Variants in TAP2 observed in about 807,000 individuals in gnomAD.
TAP2 encodes antigen peptide transporter 2.
Under a neutral mutation model 74.7 loss-of-function variants are expected in TAP2, and 49 were observed. The ratio of observed to expected loss-of-function variants is 0.66; its 90% CI spans 0.52 to 0.83. The LOEUF is 0.83. Among genes scored for constraint, TAP2 ranks in the 40% least tolerant of loss-of-function variants. The pLI is 0.00. For synonymous variants in TAP2, 306 were observed against 368.4 expected (o/e 0.83, Z 1.94); for missense variants, 739 against 859.0 (o/e 0.86, Z 1.75).
Position 32,835,771 on chromosome 6 carries a change from G to C in TAP2, c.611C>G (p.Ser204Ter), listed in dbSNP as rs780749195. Residue 204 changes from serine to a stop codon, truncating the protein, a stop_gained and splice_region_variant, in exon 4 of 12, where the codon TCA becomes TGA. Coordinates refer to ENST00000374897, the MANE Select transcript of TAP2 (RefSeq NM_001290043.2). LOFTEE classifies it high-confidence loss of function. The surrounding 1 kb of genome is among the most constrained non-coding windows in gnomAD (Gnocchi z 4.0). ...FFMCLFSFGSSLSAGCRGGCF... is the reference protein window; with the variant it reads ...FFMCLFSFGS ...GCCTCCTCGGCAGCCTGCAGACAGT[G>C]AGCTGTGGGGTAGGAGAATAAGAGG... The C allele has an allele frequency of 1.2e-6, 2 of 1,613,048 alleles. No individual in the cohort carries two copies. The highest frequency in any genetic ancestry group is 1.7e-6 in the Non-Finnish European group (2 of 1,180,034).
rs545732172 is a variant in TAP2, at chr6:32,828,852, G to T, written c.*54C>A. On this transcript the variant is annotated 3_prime_UTR_variant, in exon 12 of 12. Coordinates refer to ENST00000374897, the MANE Select transcript of TAP2 (RefSeq NM_001290043.2). The stretch of plus-strand genomic sequence containing the variant: ...GAGAAGAGGGCCCAGTATCCCTGGG[G>T]CCTCAGTCCATCAGCCGCTGCTGCA... 62 of 1,517,700 alleles carry T rather than the reference G, an allele frequency of 4.1e-5. No individual in the cohort carries two copies. Among genetic ancestry groups the T allele is most frequent in the Non-Finnish European group, 5.5e-5 (62 of 1,125,784 alleles). The allele number at this position is 1,517,700 out of a possible 1,614,324, so 94.0% of individuals were successfully genotyped here.
In TAP2 at chr6:32,838,213, T is replaced by A; in HGVS notation, c.21A>T (p.Arg7Ser). Residue 7 changes from arginine (R) to serine (S), a missense_variant, in exon 2 of 12, where the codon AGA (arginine) becomes AGT (serine). Physicochemically the swap from Arg to Ser is moderately radical, Grantham distance 110 (BLOSUM62 -1). Transcript: ENST00000374897. MRLPDLRPWTSLLLVDA... is the reference protein window; with the variant it reads MRLPDLSPWTSLLLVDA... ...CCACCAGCAGCAGGGAGGTCCAGGG[T>A]CTCAGGTCAGGGAGCCGCATGGCTC... The A allele has an allele frequency of 1.3e-6, 2 of 1,581,642 alleles. No homozygotes were observed. Among genetic ancestry groups the A allele is most frequent in the South Asian group, 2.3e-5 (2 of 87,032 alleles).
At chr6:32,834,530 T>C (rs1314687545) in intron 5 of TAP2, among the ~76,000 whole-genome samples, 1 of 152,160 alleles carries the variant, frequency 6.6e-6, no homozygotes, top group African/African-American at 2.4e-5. Flanking sequence ...AGAGTTTCAT[T>C]TTAGGAAGAT....
Position 32,828,674 on chromosome 6 carries a change from A to AGGCC in TAP2, c.*231_*232insGGCC. On this transcript the variant is annotated 3_prime_UTR_variant, in exon 12 of 12. Coordinates refer to ENST00000374897, the MANE Select transcript of TAP2 (RefSeq NM_001290043.2). Reference sequence around the variant, plus strand: ...GGAATTAAGTTTCCTGGACACAGACAGCCCCCACCCCACCCCACCCCACCT... The same window carrying AGGCC: ...GGAATTAAGTTTCCTGGACACAGACAGGCCGCCCCCACCCCACCCCACCCCACCT... 1.1e-6 allele frequency: 1 copy of AGGCC among 922,050 alleles called. No individual in the cohort carries two copies. Among genetic ancestry groups the AGGCC allele is most frequent in the Non-Finnish European group, 1.3e-6 (1 of 765,340 alleles). The allele number at this position is 922,050 out of a possible 1,614,324, so 57.1% of individuals were successfully genotyped here. A position where few individuals can be genotyped will look rare whatever the true frequency, so the allele number is the denominator to read the frequency against.
chr6:32,824,015 C>G (rs191094744), downstream of TAP2, among the ~76,000 whole-genome samples: 1 of 151,766 alleles, frequency 6.6e-6, no homozygotes, highest in East Asian at 1.9e-4. Context: ...TGTGTAAATA[C>G]GAGCACTTGA....
rs112193893 is a variant in TAP2 at position 32,837,446 on chromosome 6, C to T, written c.608+91G>A. 58 of 1,046,240 alleles carry T rather than the reference C, an allele frequency of 5.5e-5. 1 individual carries two copies. In the Middle Eastern group the frequency reaches 1.2e-3, roughly 22 times the overall value. The allele number at this position is 1,046,240 out of a possible 1,614,324, so 64.8% of individuals were successfully genotyped here. On this transcript the variant is annotated intron_variant, in intron 3 of 11. Transcript: ENST00000374897. ...TTAGTTTAAGTATTTTTGTGTTTTG[C>T]GCCTGAAAGGGCCTAGAAATGGAGT...
At chr6:32,823,139 C>T (rs188465955), downstream of TAP2, among the ~76,000 whole-genome samples, 172 of 152,082 alleles carry the variant, frequency 1.1e-3, 1 homozygote, top group African/African-American at 3.8e-3. Flanking sequence ...AGGCTGCCCT[C>T]GAAATCCTGA....
intron 10 of TAP2, 25 bp downstream of exon 10, chr6:32,829,905 C>A (rs1164323351): frequency 6.2e-7 from 1 of 1,612,804 alleles, no homozygotes; most frequent in African/African-American, 1.3e-5. Flanking sequence ...ACTGAAGGAG[C>A]AAGCTTACAA....
chr6:32,833,316 T>G (rs1282865700), intron 5 of TAP2, among the ~76,000 whole-genome samples: 1 of 152,090 alleles, frequency 6.6e-6, no homozygotes, highest in Non-Finnish European at 1.5e-5. Flanking sequence ...CATCAGAATT[T>G]AAAACGTTTG....
In TAP2 at chr6:32,830,423, T is replaced by C. The variant is rs756608607; in HGVS notation, c.1479A>G (p.Leu493=). 16 of 1,612,852 alleles carry C rather than the reference T, an allele frequency of 9.9e-6. No individual in the cohort carries two copies. In the East Asian group the frequency reaches 3.3e-4, roughly 34 times the overall value. Reference sequence around the variant, plus strand: ...CCAGCGCCGTCACCTCACCAGGACGTAGGGTAAACGTCAGCCCCTAGAAAA... The same window carrying C: ...CCAGCGCCGTCACCTCACCAGGACGCAGGGTAAACGTCAGCCCCTAGAAAA... The part of the protein sequence containing the change: ...RPVLKGLTFT[L]RPGEVTALVG... Residue 493 remains leucine (L), a synonymous_variant, in exon 9 of 12, where the codon CTA becomes CTG. Coordinates refer to ENST00000374897, the MANE Select transcript of TAP2 (RefSeq NM_001290043.2).
At chr6:32,833,322 G>A (rs1446383695) in intron 5 of TAP2, among the ~76,000 whole-genome samples, 1 of 151,992 alleles carries the variant, frequency 6.6e-6, no homozygotes, top group Non-Finnish European at 1.5e-5. Context: ...AATTTAAAAC[G>A]TTTGTGCATC....
intron 3 of TAP2, among the ~76,000 whole-genome samples, chr6:32,836,722 T>A (rs1222006924): frequency 6.6e-6 from 1 of 152,256 alleles, no homozygotes; most frequent in Non-Finnish European, 1.5e-5. Context: ...AAAAATATGG[T>A]ATTATAATCT....
chr6:32,828,852 G>C lies in TAP2; in HGVS notation c.*54C>G, dbSNP rs545732172. 6.6e-7 allele frequency: 1 copy of C among 1,517,700 alleles called. No homozygotes were observed. The allele number at this position is 1,517,700 out of a possible 1,614,324, so 94.0% of individuals were successfully genotyped here. ...GAGAAGAGGGCCCAGTATCCCTGGG[G>C]CCTCAGTCCATCAGCCGCTGCTGCA... On this transcript the variant is annotated 3_prime_UTR_variant, in exon 12 of 12. Transcript: ENST00000374897.
Position 32,835,836 on chromosome 6 carries a change from C to T in TAP2, c.609-63G>A, listed in dbSNP as rs62397690. On this transcript the variant is annotated intron_variant, in intron 3 of 11. Transcript: ENST00000374897. This position sits in a 1 kb window ranked among gnomAD's most constrained non-coding sequence, Gnocchi z 4.0. ...AGAAGGAGCAAGCCAGCGGGTGAAA[C>T]AGAGGAGCAAGCCAGGAGTGCAGAG... 0.019 allele frequency: 30,601 copies of T among 1,610,560 alleles called. 759 individuals are homozygous for T. The highest frequency in any genetic ancestry group is 0.068 in the South Asian group (6,151 of 91,032).
Position 32,828,948 on chromosome 6 carries a change from C to T in TAP2, c.2019G>A (p.Leu673=). Residue 673 remains leucine (L), a synonymous_variant, in exon 12 of 12, where the codon CTG becomes CTA. Coordinates refer to ENST00000374897, the MANE Select transcript of TAP2 (RefSeq NM_001290043.2). ...TCTGCAGCTTGCCCTCCTGGAGCAC[C>T]AGGATCTGGTGGGCGCGCTGAACTG... is the stretch of plus-strand genomic sequence containing the variant. ...LQTVQRAHQI[L]VLQEGKLQKL... The T allele has an allele frequency of 6.5e-7, 1 of 1,547,050 alleles. No homozygotes were observed. The highest frequency in any genetic ancestry group is 8.7e-7 in the Non-Finnish European group (1 of 1,146,002).
downstream of TAP2, chr6:32,822,089 C>A: frequency 1.7e-6 from 1 of 571,530 alleles, no homozygotes; most frequent in South Asian, 2.2e-5. Flanking sequence ...GCTTTGGGCT[C>A]CAATCTGCAG....
chr6:32,834,165 G>A (rs187450186), intron 5 of TAP2, among the ~76,000 whole-genome samples: 4 of 152,276 alleles, frequency 2.6e-5, no homozygotes, highest in African/African-American at 9.6e-5. Context: ...CCAAAAGCAG[G>A]GTTTCAAACA....
In TAP2 at chr6:32,828,198, TA is replaced by T; in HGVS notation, c.*707del. On this transcript the variant is annotated 3_prime_UTR_variant, in exon 12 of 12. Transcript: ENST00000374897. ...ACCTCATAGGGTTGGGGATAATGAT[TA>T]AAAACGATAATACATGAAAAACACT... The T allele has an allele frequency of 2.1e-6, 2 of 932,558 alleles. No homozygotes were observed. Among genetic ancestry groups the T allele is most frequent in the Non-Finnish European group, 2.6e-6 (2 of 782,130 alleles). 57.8% of individuals were successfully genotyped at this position (932,558 alleles called of 1,614,324 possible). A position where few individuals can be genotyped will look rare whatever the true frequency, so the allele number is the denominator to read the frequency against.
rs780650460 is a variant in TAP2, at chr6:32,835,506, C to T, written c.739+137G>A. On this transcript the variant is annotated intron_variant, in intron 4 of 11. Coordinates refer to ENST00000374897, the MANE Select transcript of TAP2 (RefSeq NM_001290043.2). The surrounding 1 kb of genome is among the most constrained non-coding windows in gnomAD (Gnocchi z 4.0). Reference sequence around the variant, plus strand: ...AGAGGGACAGTGGAGGCTGCTTCTCCACCCTGTCCCAAACAAGAGAAAAGC... The same window carrying T: ...AGAGGGACAGTGGAGGCTGCTTCTCTACCCTGTCCCAAACAAGAGAAAAGC... The T allele has an allele frequency of 3.7e-5, 54 of 1,463,346 alleles. No individual in the cohort carries two copies. The South Asian group carries it at 4.2e-4, about 11-fold the overall frequency. 90.6% of individuals were successfully genotyped at this position (1,463,346 alleles called of 1,614,324 possible). A position where few individuals can be genotyped will look rare whatever the true frequency, so the allele number is the denominator to read the frequency against.
Sources: allele counts gnomAD v4.1 joint callset (sites outside exome capture counted in the v4.1 genomes callset), GRCh38; gene constraint gnomAD v4.1.1; non-coding constraint Gnocchi (gnomAD v3.1); transcripts MANE v1.5; gene names NCBI Gene and HGNC (gene_info 2026-07-23, HGNC 2026-07-21).